The following PIK3C2A variants were observed in gnomAD, a reference collection of about 807,000 sequenced individuals.
The protein encoded by PIK3C2A is phosphatidylinositol 4-phosphate 3-kinase C2 domain-containing subunit alpha.
A neutral mutation model predicts 204.5 loss-of-function variants in PIK3C2A; 97 were observed. The observed-to-expected ratio is 0.47, with a 90% CI of 0.40 to 0.56. The LOEUF is 0.56. PIK3C2A is among the 20% of genes least tolerant of loss of function. PIK3C2A has a pLI of 0.00. For missense variants in PIK3C2A, 1,735 were observed against 1,969.2 expected (o/e 0.88, Z 2.25); for synonymous variants, 653 against 664.4 (o/e 0.98, Z 0.26).
At chr11:17,154,007 T>C (rs1336720425) in intron 3 of PIK3C2A, among the ~76,000 whole-genome samples, 1 of 152,206 alleles carries the variant, frequency 6.6e-6, no homozygotes, top group Non-Finnish European at 1.5e-5. Flanking sequence ...CATAGTCTAC[T>C]AATGAAAATA....
intron 13 of PIK3C2A, 117 bp from the exon 14 acceptor site, chr11:17,122,930 T>G: frequency 1.7e-6 from 1 of 583,048 alleles, no homozygotes; most frequent in Non-Finnish European, 3.0e-6. Context: ...AAAGGATATC[T>G]TTAAGAACAT....
chr11:17,194,896 C>T (rs571414753), intron 1 of PIK3C2A, among the ~76,000 whole-genome samples: 6 of 138,342 alleles, frequency 4.3e-5, no homozygotes, highest in East Asian at 4.4e-4. Flanking sequence ...GCAACAAGAA[C>T]GAAACTCCAT....
chr11:17,150,081 C>A (rs1311830561), intron 4 of PIK3C2A, among the ~76,000 whole-genome samples: 1 of 152,036 alleles, frequency 6.6e-6, no homozygotes, highest in Non-Finnish European at 1.5e-5. Flanking sequence ...AGAGAGGACA[C>A]CCATACCAAG....
chr11:17,156,161 C>T (rs1850584331), intron 2 of PIK3C2A, among the ~76,000 whole-genome samples: 1 of 152,170 alleles, frequency 6.6e-6, no homozygotes, highest in African/African-American at 2.4e-5. Context: ...AAACTGTTTA[C>T]AGCTTTCAGG....
At chr11:17,146,377 C>G (rs184841444) in intron 6 of PIK3C2A, among the ~76,000 whole-genome samples, 1 of 152,174 alleles carries the variant, frequency 6.6e-6, no homozygotes, top group Admixed American at 6.5e-5. Context: ...ACAAGGTACT[C>G]GCTCTTCTAC....
rs774536784 is a variant in PIK3C2A at position 17,119,910 on chromosome 11, A to T, written c.2722T>A (p.Cys908Ser). 3.1e-6 allele frequency: 5 copies of T among 1,610,882 alleles called. No homozygotes were observed. Among genetic ancestry groups the T allele is most frequent in the Non-Finnish European group, 4.2e-6 (5 of 1,178,152 alleles). The change falls in exon 16 of 33, where the codon TGT becomes AGT. Residue 908 changes from cysteine (C) to serine (S), a missense_variant. Physicochemically the swap from Cys to Ser is moderately radical, Grantham distance 112 (BLOSUM62 -1). This residue lies in a region of PIK3C2A where 567 missense variants were observed against 576.0 expected (regional missense o/e 0.98). Transcript: ENST00000691414. The part of the protein sequence containing the change: ...KRYYCFKHPN[C>S]LPKILASAPN... ...GCGCTTGCTAATATTTTAGGAAGACAATTTGGGTGTTTGAAGCAATAATAA... is the reference window on the plus strand; with the variant it reads ...GCGCTTGCTAATATTTTAGGAAGACTATTTGGGTGTTTGAAGCAATAATAA...
In PIK3C2A at chr11:17,102,816, T is replaced by C. The variant is rs1186223590; in HGVS notation, c.3697A>G (p.Ile1233Val). ...EEYEKASENF[I>V]YSCAGCCVAT... ...ACACAGCATCCAGCACAGGAATAGA[T>C]AAAGTTCTCTGAAGCCTATAAAAAA... The change falls in exon 24 of 33, where the codon ATC becomes GTC. Residue 1233 changes from isoleucine to valine, a missense_variant. Physicochemically the swap from Ile to Val is conservative, Grantham distance 29 (BLOSUM62 3). This residue lies in a region of PIK3C2A where 503 missense variants were observed against 669.0 expected (regional missense o/e 0.75). Coordinates refer to ENST00000691414, the MANE Select transcript of PIK3C2A (RefSeq NM_002645.4). 4 of 1,596,426 alleles carry C rather than the reference T, an allele frequency of 2.5e-6. No individual in the cohort carries two copies. The highest frequency in any genetic ancestry group is 3.4e-6 in the Non-Finnish European group (4 of 1,171,514).
intron 1 of PIK3C2A, among the ~76,000 whole-genome samples, chr11:17,183,551 C>T (rs1851641039): frequency 6.6e-6 from 1 of 152,000 alleles, no homozygotes; most frequent in Admixed American, 6.6e-5. Flanking sequence ...TGTGGTGGCA[C>T]ACGTCTGTGA....
At chr11:17,131,149 C>G (rs11024163) in intron 12 of PIK3C2A, among the ~76,000 whole-genome samples, 64,172 of 151,980 alleles carry the variant, frequency 0.42, 13,887 homozygotes, top group Non-Finnish European at 0.47. Flanking sequence ...GATCATGCCA[C>G]TGCACTCTAG....
intron 26 of PIK3C2A, among the ~76,000 whole-genome samples, chr11:17,097,571 C>T (rs867415286): frequency 6.6e-6 from 1 of 152,148 alleles, no homozygotes; most frequent in Non-Finnish European, 1.5e-5. Context: ...GACTTCATTA[C>T]TTTATTTCCT....
At chr11:17,118,618 C>A in intron 18 of PIK3C2A, 27 bp downstream of exon 18, 2 of 987,858 alleles carry the variant, frequency 2.0e-6, no homozygotes, top group Non-Finnish European at 3.2e-6. Flanking sequence ...AATGGAAATA[C>A]GGTAATCAAT....
chr11:17,202,917 T>C (rs1247802630), intron 1 of PIK3C2A, among the ~76,000 whole-genome samples: 1 of 152,208 alleles, frequency 6.6e-6, no homozygotes, highest in Non-Finnish European at 1.5e-5. Context: ...TATACTGTAA[T>C]ACTAACAGAA....
chr11:17,207,106 CCA>C (rs1309422995), intron 1 of PIK3C2A, among the ~76,000 whole-genome samples: 1 of 152,256 alleles, frequency 6.6e-6, no homozygotes, highest in East Asian at 1.9e-4. Flanking sequence ...AAAAATAATT[CCA>C]CAGCTAGAGA....
intron 1 of PIK3C2A, among the ~76,000 whole-genome samples, chr11:17,171,502 C>G (rs1445466703): frequency 7.1e-6 from 1 of 141,244 alleles, no homozygotes. Context: ...TAATACTAAA[C>G]AAAAAAAAAA....
intron 1 of PIK3C2A, among the ~76,000 whole-genome samples, chr11:17,184,664 G>A (rs920663514): frequency 6.6e-6 from 1 of 152,158 alleles, no homozygotes; most frequent in African/African-American, 2.4e-5. Context: ...GCTGGGGATG[G>A]TGTCTCATGC....
intron 26 of PIK3C2A, among the ~76,000 whole-genome samples, chr11:17,097,647 C>T (rs185860355): frequency 2.6e-5 from 4 of 152,324 alleles, no homozygotes; most frequent in Admixed American, 1.3e-4. Context: ...GGCACGGTGG[C>T]TCACGCCTGT....
At chr11:17,141,638 C>T (rs1382417756) in intron 8 of PIK3C2A, among the ~76,000 whole-genome samples, 1 of 152,164 alleles carries the variant, frequency 6.6e-6, no homozygotes, top group Non-Finnish European at 1.5e-5. Context: ...TCAGATTTCA[C>T]CAACTTTTCC....
chr11:17,145,273 A>G (rs986884835), intron 8 of PIK3C2A, among the ~76,000 whole-genome samples: 1 of 152,172 alleles, frequency 6.6e-6, no homozygotes, highest in Non-Finnish European at 1.5e-5. Flanking sequence ...GTCCCCCCCA[A>G]ATCTCACCTT....
chr11:17,143,280 C>A (rs901002505), intron 8 of PIK3C2A, among the ~76,000 whole-genome samples: 2 of 152,266 alleles, frequency 1.3e-5, no homozygotes, highest in African/African-American at 2.4e-5. Context: ...AATTTTATCT[C>A]CTAAATATTG....
Sources: allele counts gnomAD v4.1 joint callset (sites outside exome capture counted in the v4.1 genomes callset), GRCh38; gene constraint gnomAD v4.1.1; regional missense constraint gnomAD v4.1.1; transcripts MANE v1.5; gene names NCBI Gene and HGNC (gene_info 2026-07-23, HGNC 2026-07-21).